The following LPP variants were observed in gnomAD, a reference collection of about 807,000 sequenced individuals.
The protein encoded by LPP is lipoma-preferred partner.
LPP carries 38 observed loss-of-function variants against 60.4 expected under a neutral mutation model. That is an observed-to-expected ratio of 0.63 (90% CI 0.49 to 0.83). LPP has a LOEUF of 0.83. Ranked by LOEUF, LPP falls within the 40% of genes least tolerant of loss-of-function variation. The pLI is 0.00. For synonymous variants in LPP, 328 were observed against 290.8 expected (o/e 1.13, Z -1.30); for missense variants, 902 against 783.6 (o/e 1.15, Z -1.80).
chr3:188,415,039 C>T (rs1194054824), intron 4 of LPP, among the ~76,000 whole-genome samples: 1 of 152,034 alleles, frequency 6.6e-6, no homozygotes, highest in Non-Finnish European at 1.5e-5. Context: ...AAATGAGTTC[C>T]TTAATAAGGT....
intron 1 of LPP, among the ~76,000 whole-genome samples, chr3:188,190,229 G>T (rs7653394): frequency 1.3e-5 from 2 of 151,758 alleles, no homozygotes; most frequent in African/African-American, 4.8e-5. Context: ...GCTAAGTTTT[G>T]TATTTTTTTA....
intron 2 of LPP, among the ~76,000 whole-genome samples, chr3:188,266,391 C>T (rs1333066135): frequency 1.3e-5 from 2 of 152,008 alleles, no homozygotes; most frequent in Middle Eastern, 3.2e-3. Flanking sequence ...ATGGATTGGC[C>T]GCACAGCGCA....
chr3:188,382,737 G>A (rs568611393), intron 3 of LPP, among the ~76,000 whole-genome samples: 1 of 152,028 alleles, frequency 6.6e-6, no homozygotes, highest in African/African-American at 2.4e-5. Context: ...CTTTTTTGTT[G>A]TTGTTGTTGT....
chr3:188,697,837 T>C (rs1316129387), intron 7 of LPP, among the ~76,000 whole-genome samples: 4 of 151,952 alleles, frequency 2.6e-5, no homozygotes, highest in Non-Finnish European at 5.9e-5. Flanking sequence ...TGCATATATA[T>C]TTTTATACAT....
At chr3:188,243,474 G>C (rs573892344) in intron 2 of LPP, among the ~76,000 whole-genome samples, 6 of 152,344 alleles carry the variant, frequency 3.9e-5, no homozygotes, top group Admixed American at 3.9e-4. Context: ...CAGAAGGCCG[G>C]ATCTGGGAAG....
At chr3:188,382,340 A>G (rs935535562) in intron 3 of LPP, among the ~76,000 whole-genome samples, 2 of 152,188 alleles carry the variant, frequency 1.3e-5, no homozygotes, top group African/African-American at 2.4e-5. Flanking sequence ...AGACCTGTGC[A>G]TTGAATCTAG....
At chr3:188,223,414 G>A (rs1054740336) in intron 1 of LPP, among the ~76,000 whole-genome samples, 1 of 152,180 alleles carries the variant, frequency 6.6e-6, no homozygotes, top group Non-Finnish European at 1.5e-5. Flanking sequence ...AAATTGAGAA[G>A]CACTTTAACA....
In LPP at chr3:188,753,038, T is replaced by C. The variant is rs139725112; in HGVS notation, c.1241-7075T>C. On this transcript the variant is annotated intron_variant, in intron 8 of 11. Transcript: ENST00000617246. ...GGGTTCTGCTCCTAAACAATACTGATATAGGTCAGAGTTATGATTGAATTG... is the reference window on the plus strand; with the variant it reads ...GGGTTCTGCTCCTAAACAATACTGACATAGGTCAGAGTTATGATTGAATTG... Among the ~76,000 whole-genome samples, 256 of 152,286 alleles carry C rather than the reference T, an allele frequency of 1.7e-3. 3 individuals carry two copies. Among genetic ancestry groups the C allele is most frequent in the Non-Finnish European group, 2.5e-3 (168 of 68,030 alleles).
intron 3 of LPP, among the ~76,000 whole-genome samples, chr3:188,374,025 C>T (rs976944971): frequency 1.9e-4 from 29 of 152,064 alleles, no homozygotes; most frequent in South Asian, 8.3e-4. Flanking sequence ...TGTAGATATG[C>T]GGCATTATTT....
intron 2 of LPP, among the ~76,000 whole-genome samples, chr3:188,266,219 C>G (rs1256824499): frequency 2.0e-5 from 3 of 152,080 alleles, no homozygotes; most frequent in Non-Finnish European, 4.4e-5. Context: ...AATAAATAAA[C>G]CAGTCACTCC....
intron 8 of LPP, among the ~76,000 whole-genome samples, chr3:188,757,328 T>C (rs1044328998): frequency 1.3e-5 from 2 of 152,218 alleles, no homozygotes; most frequent in Non-Finnish European, 2.9e-5. Context: ...ATTTCAAAGC[T>C]TATCTTTTCA....
intron 7 of LPP, among the ~76,000 whole-genome samples, chr3:188,665,457 C>CTTTTTTTTTTTTT (rs371444537): frequency 1.1e-5 from 1 of 87,044 alleles, no homozygotes; most frequent in East Asian, 4.0e-4. Flanking sequence ...TCTTCTTCTT[C>CTTTTTTTTTTTTT]TTCTTTTTTT....
At chr3:188,673,750 C>T (rs1209756323) in intron 7 of LPP, among the ~76,000 whole-genome samples, 2 of 152,128 alleles carry the variant, frequency 1.3e-5, no homozygotes, top group Non-Finnish European at 2.9e-5. Context: ...TTAGCTTGTC[C>T]AGCCAAACTG....
chr3:188,480,015 G>A (rs1017238120), intron 4 of LPP, among the ~76,000 whole-genome samples: 1 of 152,116 alleles, frequency 6.6e-6, no homozygotes, highest in Non-Finnish European at 1.5e-5. Context: ...GATGCCTTTC[G>A]TATCTGACTG....
intron 4 of LPP, among the ~76,000 whole-genome samples, chr3:188,445,230 G>A (rs1231315008): frequency 6.6e-6 from 1 of 152,072 alleles, no homozygotes; most frequent in Non-Finnish European, 1.5e-5. Flanking sequence ...CAAAGAATTG[G>A]AACCAACCCA....
In LPP at chr3:188,880,141, C is replaced by T. The variant is rs1038444325; in HGVS notation, c.*5662C>T. ...CGCCTCCCAGGTTCACGCCATTCTC[C>T]TGTCTCAGCCTCCCGAGTAGCTGGG... is the stretch of plus-strand genomic sequence containing the variant. On this transcript the variant is annotated 3_prime_UTR_variant, in exon 12 of 12. Coordinates refer to ENST00000617246, the MANE Select transcript of LPP (RefSeq NM_001375462.1). The T allele has an allele frequency of 9.8e-5, 16 of 163,088 alleles. No homozygotes were observed. The highest frequency in any genetic ancestry group is 3.8e-4 in the African/African-American group (16 of 41,698). The allele number at this position is 163,088 out of a possible 1,614,324, so 10.1% of individuals were successfully genotyped here. A position where few individuals can be genotyped will look rare whatever the true frequency, so the allele number is the denominator to read the frequency against.
At chr3:188,617,873 G>A (rs1845148478) in intron 7 of LPP, among the ~76,000 whole-genome samples, 1 of 152,098 alleles carries the variant, frequency 6.6e-6, no homozygotes, top group Non-Finnish European at 1.5e-5. Context: ...TCTAAGCAAA[G>A]CAGTTATTTT....
chr3:188,223,168 GT>G (rs1459352488), intron 1 of LPP, among the ~76,000 whole-genome samples: 1 of 152,168 alleles, frequency 6.6e-6, no homozygotes, highest in African/African-American at 2.4e-5. Flanking sequence ...AATTCTGCAT[GT>G]TTTGTGGTGT....
intron 9 of LPP, among the ~76,000 whole-genome samples, chr3:188,783,084 G>A (rs1740343598): frequency 6.6e-6 from 1 of 152,040 alleles, no homozygotes; most frequent in Non-Finnish European, 1.5e-5. Flanking sequence ...TCTTCTGAGT[G>A]CCCTGGCTCC....
Sources: allele counts gnomAD v4.1 joint callset (sites outside exome capture counted in the v4.1 genomes callset), GRCh38; gene constraint gnomAD v4.1.1; transcripts MANE v1.5; gene names NCBI Gene and HGNC (gene_info 2026-07-23, HGNC 2026-07-21).